KIF13A: variants seen among roughly 807,000 people sequenced by gnomAD.
KIF13A encodes kinesin-like protein KIF13A.
In KIF13A, 79 loss-of-function variants were observed where a neutral mutation model predicts 212.2. The ratio of observed to expected loss-of-function variants is 0.37; its 90% CI spans 0.31 to 0.45. The LOEUF (loss-of-function observed/expected upper bound fraction) is 0.45. Ranked by LOEUF, KIF13A falls within the 20% of genes least tolerant of loss-of-function variation. The pLI is 1.00. For synonymous variants in KIF13A, 789 were observed against 808.6 expected (o/e 0.98, Z 0.41); for missense variants, 1,901 against 2,209.0 (o/e 0.86, Z 2.79).
At position 17,781,253 on chromosome 6, in the gene KIF13A, C is replaced by G. The variant is rs1340752220; in HGVS notation, c.3593G>C (p.Gly1198Ala). The G allele has an allele frequency of 1.2e-6, 2 of 1,613,476 alleles. No homozygotes were observed. The highest frequency in any genetic ancestry group is 1.7e-6 in the Non-Finnish European group (2 of 1,179,754). Residue 1198 changes from glycine (G) to alanine (A), a missense_variant, in exon 30 of 39, where the codon GGC becomes GCC. Coordinates refer to ENST00000259711, the MANE Select transcript of KIF13A (RefSeq NM_022113.6). ...CTCCTTGGGCAGGATGGAGTTCACG[C>G]CGGATGCATGGGGGCCAACAAGCTG... Reference protein sequence around the residue: ...NEQLVGPHASGVNSILPKEHG... With the variant: ...NEQLVGPHASAVNSILPKEHG...
Position 17,826,031 on chromosome 6 carries a change from A to T in KIF13A, c.1619+7T>A. ...CGAAAATATATTACAGAACACAAAG[A>T]TGTTACCTAAAAAAGTGATTATTTC... On this transcript the variant is annotated splice_region_variant and intron_variant, in intron 15 of 38. Coordinates refer to ENST00000259711, the MANE Select transcript of KIF13A (RefSeq NM_022113.6). The surrounding 1 kb of genome is among the most constrained non-coding windows in gnomAD (Gnocchi z 4.7). The T allele has an allele frequency of 6.2e-7, 1 of 1,613,250 alleles. No homozygotes were observed. Among genetic ancestry groups the T allele is most frequent in the Non-Finnish European group, 8.5e-7 (1 of 1,179,204 alleles).
In KIF13A at chr6:17,886,403, C is replaced by T. The variant is rs1017331550; in HGVS notation, c.159+11765G>A. Among the ~76,000 whole-genome samples, 1 of 152,142 alleles carries T rather than the reference C, an allele frequency of 6.6e-6. No homozygotes were observed. The highest frequency in any genetic ancestry group is 1.9e-4 in the East Asian group (1 of 5,190). ...CAAACATTTACTCCCAGTTAAGTTACGCTGCAAAGGACTGATGAAGAGTTC... is the reference window on the plus strand; with the variant it reads ...CAAACATTTACTCCCAGTTAAGTTATGCTGCAAAGGACTGATGAAGAGTTC... On this transcript the variant is annotated intron_variant, in intron 3 of 38. Coordinates refer to ENST00000259711, the MANE Select transcript of KIF13A (RefSeq NM_022113.6). This position sits in a 1 kb window ranked among gnomAD's most constrained non-coding sequence, Gnocchi z 5.6.
In KIF13A at chr6:17,947,465, T is replaced by G. The variant is rs1581816007; in HGVS notation, c.146+39589A>C. On this transcript the variant is annotated intron_variant, in intron 2 of 38. Transcript: ENST00000259711. The surrounding 1 kb of genome is among the most constrained non-coding windows in gnomAD (Gnocchi z 4.6). ...AGGCTAGCTACTTTTCCTTTCAGCTTCCTTCTTAACTTCAAAAGTTCAAAA... is the reference window on the plus strand; with the variant it reads ...AGGCTAGCTACTTTTCCTTTCAGCTGCCTTCTTAACTTCAAAAGTTCAAAA... Among the ~76,000 whole-genome samples the G allele has an allele frequency of 6.6e-6, 1 of 152,184 alleles. No individual in the cohort carries two copies. Among genetic ancestry groups the G allele is most frequent in the South Asian group, 2.1e-4 (1 of 4,830 alleles).
At position 17,855,470 on chromosome 6, in the gene KIF13A, T is replaced by C. The variant is rs1768056295; in HGVS notation, c.461A>G (p.Asn154Ser). 2 of 1,612,796 alleles carry C rather than the reference T, an allele frequency of 1.2e-6. No individual in the cohort carries two copies. Among genetic ancestry groups the C allele is most frequent in the African/African-American group, 2.7e-5 (2 of 74,852 alleles). ...KVEVSYMEIY[N>S]EKVRDLLDPK... Reference sequence around the variant, plus strand: ...GTCTAAAAGATCCCGAACTTTCTCATTATAAATTTCCATATAGGACACTTC... The same window carrying C: ...GTCTAAAAGATCCCGAACTTTCTCACTATAAATTTCCATATAGGACACTTC... Residue 154 changes from asparagine to serine, a missense_variant, in exon 6 of 39, where the codon AAT (asparagine) becomes AGT (serine). Asn to Ser is a conservative substitution (Grantham distance 46). Coordinates refer to ENST00000259711, the MANE Select transcript of KIF13A (RefSeq NM_022113.6). The surrounding 1 kb of genome is among the most constrained non-coding windows in gnomAD (Gnocchi z 4.1).
chr6:17,785,622 C>T lies in KIF13A; in HGVS notation c.3381G>A (p.Val1127=), dbSNP rs756733370. The T allele has an allele frequency of 6.8e-6, 11 of 1,605,890 alleles. No individual in the cohort carries two copies. Among genetic ancestry groups the T allele is most frequent in the Non-Finnish European group, 9.4e-6 (11 of 1,176,386 alleles). The part of the protein sequence containing the change: ...SNKTEKTEDD[V]EREAQLVEQW... The stretch of plus-strand genomic sequence containing the variant: ...GCTCCACAAGCTGGGCTTCCCGCTC[C>T]ACATCGTCCTCTGTTTTCTCTGCAG... Residue 1127 remains valine (V), a synonymous_variant, in exon 28 of 39, where the codon GTG becomes GTA. Coordinates refer to ENST00000259711, the MANE Select transcript of KIF13A (RefSeq NM_022113.6). The surrounding 1 kb of genome is among the most constrained non-coding windows in gnomAD (Gnocchi z 5.8).
Position 17,853,991 on chromosome 6 carries a change from T to TA in KIF13A, c.494+1445dup, listed in dbSNP as rs1372633046. Among the ~76,000 whole-genome samples, 27 of 152,370 alleles carry TA rather than the reference T, an allele frequency of 1.8e-4. 1 individual carries two copies. Among genetic ancestry groups the TA allele is most frequent in the African/African-American group, 6.3e-4 (26 of 41,582 alleles). ...GCCAATGTAGGTAGGCAGTTGTTTT[T>TA]ATTACTCTTTATGCCTTACAGGTGT... is the stretch of plus-strand genomic sequence containing the variant. On this transcript the variant is annotated intron_variant, in intron 6 of 38. Coordinates refer to ENST00000259711, the MANE Select transcript of KIF13A (RefSeq NM_022113.6).
chr6:17,845,712 A>C (rs962174300), intron 9 of KIF13A, among the ~76,000 whole-genome samples: 1 of 152,186 alleles, frequency 6.6e-6, no homozygotes, highest in East Asian at 1.9e-4. Context: ...CAGGTGGAGC[A>C]GCAGATTGGC....
At position 17,974,184 on chromosome 6, in the gene KIF13A, C is replaced by T. The variant is rs113348983; in HGVS notation, c.146+12870G>A. ...GCAACCTCCACCTCCCGGGTTCAAG[C>T]GATTCTCCTACCTCAGCCTCCTGAG... On this transcript the variant is annotated intron_variant, in intron 2 of 38. Transcript: ENST00000259711. 7.0e-3 allele frequency among the ~76,000 whole-genome samples: 1,061 copies of T among 152,242 alleles called. 13 individuals carry two copies. Among genetic ancestry groups the T allele is most frequent in the African/African-American group, 0.024 (996 of 41,518 alleles).
Position 17,963,614 on chromosome 6 carries a change from G to T in KIF13A, c.146+23440C>A, listed in dbSNP as rs1283369835. Among the ~76,000 whole-genome samples the T allele has an allele frequency of 6.6e-6, 1 of 152,164 alleles. No individual in the cohort carries two copies. Among genetic ancestry groups the T allele is most frequent in the Non-Finnish European group, 1.5e-5 (1 of 68,042 alleles). On this transcript the variant is annotated intron_variant, in intron 2 of 38. Transcript: ENST00000259711. The surrounding 1 kb of genome is among the most constrained non-coding windows in gnomAD (Gnocchi z 4.1). Reference sequence around the variant, plus strand: ...GCTGTGTCGCCTAGGCTGGAGTGCTGCGCGTGATCGCAGCTTACTGCAACC... The same window carrying T: ...GCTGTGTCGCCTAGGCTGGAGTGCTTCGCGTGATCGCAGCTTACTGCAACC...
At chr6:17,805,370 CGTGT>C (rs59526903) in intron 19 of KIF13A, 101 bp downstream of exon 19, 58,494 of 732,684 alleles carry the variant, frequency 0.08, 1,666 homozygotes, top group African/African-American at 0.21. Context: ...AGCACATCTC[CGTGT>C]GTGTGTGTGT....
rs540516398 is a variant in KIF13A at position 17,885,988 on chromosome 6, A to G, written c.159+12180T>C. The stretch of plus-strand genomic sequence containing the variant: ...TAGCCACCCAAATAACTTCTTCAAC[A>G]GCACATTCAAAGGTGATGTGGATAT... On this transcript the variant is annotated intron_variant, in intron 3 of 38. Transcript: ENST00000259711. 2.6e-5 allele frequency among the ~76,000 whole-genome samples: 4 copies of G among 152,230 alleles called. 1 individual carries two copies. In the South Asian group the frequency reaches 8.3e-4, roughly 31 times the overall value.
Position 17,850,552 on chromosome 6 carries a change from C to G in KIF13A, c.583-95G>C. ...TGTATTAATTATGATTCCTCTGATG[C>G]CTTTGTCACCACCCTTCCATAGAAA... On this transcript the variant is annotated intron_variant, in intron 7 of 38. Coordinates refer to ENST00000259711, the MANE Select transcript of KIF13A (RefSeq NM_022113.6). This position sits in a 1 kb window ranked among gnomAD's most constrained non-coding sequence, Gnocchi z 6.2. 1 of 1,246,290 alleles carries G rather than the reference C, an allele frequency of 8.0e-7. No individual in the cohort carries two copies. Among genetic ancestry groups the G allele is most frequent in the Non-Finnish European group, 1.1e-6 (1 of 923,940 alleles). 77.2% of individuals were successfully genotyped at this position (1,246,290 alleles called of 1,614,324 possible).
At chr6:17,884,897 G>A (rs1771402258) in intron 3 of KIF13A, among the ~76,000 whole-genome samples, 1 of 152,154 alleles carries the variant, frequency 6.6e-6, no homozygotes, top group Non-Finnish European at 1.5e-5. Context: ...CCAATGTCCT[G>A]TTTTGTGGTT....
At chr6:17,948,145 T>A (rs1484597928) in intron 2 of KIF13A, among the ~76,000 whole-genome samples, 34 of 152,320 alleles carry the variant, frequency 2.2e-4, no homozygotes, top group Non-Finnish European at 4.4e-5. Flanking sequence ...TTTTAATAAA[T>A]CACATAACCG....
chr6:17,777,675 C>T lies in KIF13A; in HGVS notation c.4093-321G>A, dbSNP rs1389952276. 1.3e-5 allele frequency among the ~76,000 whole-genome samples: 2 copies of T among 152,156 alleles called. No homozygotes were observed. The highest frequency in any genetic ancestry group is 2.4e-5 in the African/African-American group (1 of 41,422). ...TTAGGATTACAGGCGTGAGCCACCG[C>T]ACCCGGCCATTACTTTATTTTTTAT... is the stretch of plus-strand genomic sequence containing the variant. On this transcript the variant is annotated intron_variant, in intron 33 of 38. Transcript: ENST00000259711. This position sits in a 1 kb window ranked among gnomAD's most constrained non-coding sequence, Gnocchi z 4.4.
At chr6:17,924,277 A>G (rs1775314161) in intron 2 of KIF13A, among the ~76,000 whole-genome samples, 2 of 152,210 alleles carry the variant, frequency 1.3e-5, no homozygotes, top group African/African-American at 2.4e-5. Flanking sequence ...TTTTCCTGAC[A>G]CTAATTACAA....
chr6:17,781,127 C>A, intron 30 of KIF13A, 50 bp downstream of exon 30: 1 of 1,608,024 alleles, frequency 6.2e-7, no homozygotes, highest in Non-Finnish European at 8.5e-7. Flanking sequence ...GGCCCACAAG[C>A]CTTGTGTGCT....
At chr6:17,806,291 C>T (rs1762941943) in intron 18 of KIF13A, among the ~76,000 whole-genome samples, 1 of 152,122 alleles carries the variant, frequency 6.6e-6, no homozygotes. Context: ...ATGTACTATA[C>T]ATTTGAGTAA....
chr6:17,921,429 C>T (rs1775059228), intron 2 of KIF13A, among the ~76,000 whole-genome samples: 1 of 152,228 alleles, frequency 6.6e-6, no homozygotes, highest in East Asian at 1.9e-4. Flanking sequence ...GAAAAACATA[C>T]TCAGAGACCT....
Sources: allele counts gnomAD v4.1 joint callset (sites outside exome capture counted in the v4.1 genomes callset), GRCh38; gene constraint gnomAD v4.1.1; non-coding constraint Gnocchi (gnomAD v3.1); transcripts MANE v1.5; gene names NCBI Gene and HGNC (gene_info 2026-07-23, HGNC 2026-07-21).